ZNF385D: variants seen among roughly 807,000 people sequenced by gnomAD.
ZNF385D encodes zinc finger protein 659.
Under a neutral mutation model 35.8 loss-of-function variants are expected in ZNF385D, and 15 were observed. That is an observed-to-expected ratio of 0.42 (90% CI 0.28 to 0.64). The LOEUF is 0.64. Among genes scored for constraint, ZNF385D ranks in the 30% least tolerant of loss-of-function variants. ZNF385D has a pLI of 0.23. For missense variants in ZNF385D, 474 were observed against 494.6 expected, an observed-to-expected ratio of 0.96 and a Z score of 0.39; for synonymous variants, 212 against 186.8, an observed-to-expected ratio of 1.13 and a Z score of -1.10.
chr3:22,239,454 T>C (rs903519603), intron 2 of ZNF385D, among the ~76,000 whole-genome samples: 8 of 151,026 alleles, frequency 5.3e-5, no homozygotes, highest in African/African-American at 2.0e-4. Context: ...GTTTAAAACT[T>C]TACCAGAATT....
At chr3:21,705,872 A>G (rs542699798) in intron 1 of ZNF385D, among the ~76,000 whole-genome samples, 1 of 152,288 alleles carries the variant, frequency 6.6e-6, no homozygotes, top group South Asian at 2.1e-4. Flanking sequence ...TGCAGTACCC[A>G]GTAGCTCAAT....
chr3:21,726,397 T>G (rs1330350818), intron 1 of ZNF385D, among the ~76,000 whole-genome samples: 2 of 152,184 alleles, frequency 1.3e-5, no homozygotes, highest in African/African-American at 4.8e-5. Flanking sequence ...TATCTCTGTT[T>G]GCGGATGACA....
At chr3:21,733,311 G>A (rs556467816) in intron 1 of ZNF385D, among the ~76,000 whole-genome samples, 1 of 152,062 alleles carries the variant, frequency 6.6e-6, no homozygotes, top group Admixed American at 6.6e-5. Context: ...TCTGAAGTAG[G>A]GTAGTGTCAG....
chr3:21,798,917 T>A (rs1331674950), intron 3 of ZNF385D, among the ~76,000 whole-genome samples: 1 of 152,172 alleles, frequency 6.6e-6, no homozygotes, highest in Non-Finnish European at 1.5e-5. Context: ...AATATTTTCA[T>A]CCTCAAAAGA....
At chr3:21,925,389 A>G (rs1188225189) in intron 3 of ZNF385D, among the ~76,000 whole-genome samples, 1 of 152,182 alleles carries the variant, frequency 6.6e-6, no homozygotes, top group African/African-American at 2.4e-5. Flanking sequence ...TTGAAGAACA[A>G]CTGCTGAAAC....
At chr3:22,074,502 T>C (rs1700374120) in intron 3 of ZNF385D, among the ~76,000 whole-genome samples, 1 of 151,978 alleles carries the variant, frequency 6.6e-6, no homozygotes, top group South Asian at 2.1e-4. Flanking sequence ...ATTGGTTACT[T>C]CTGATTATCA....
chr3:21,700,477 A>G (rs916840338), intron 1 of ZNF385D, among the ~76,000 whole-genome samples: 1 of 152,218 alleles, frequency 6.6e-6, no homozygotes, highest in Non-Finnish European at 1.5e-5. Flanking sequence ...TTTTAAAATT[A>G]GTTTTTTTCT....
chr3:21,694,642 T>G (rs538935845), intron 1 of ZNF385D, among the ~76,000 whole-genome samples: 1 of 152,182 alleles, frequency 6.6e-6, no homozygotes, highest in African/African-American at 2.4e-5. Flanking sequence ...AATCCCCTGC[T>G]TGGCAACTTG....
chr3:22,161,469 A>G (rs965562881), intron 3 of ZNF385D, among the ~76,000 whole-genome samples: 2 of 152,090 alleles, frequency 1.3e-5, no homozygotes, highest in African/African-American at 4.8e-5. Flanking sequence ...GGCCTTTTTA[A>G]AAGAGGAACT....
chr3:21,863,508 T>A (rs2125833601), intron 3 of ZNF385D, among the ~76,000 whole-genome samples: 3 of 152,250 alleles, frequency 2.0e-5, no homozygotes, highest in Non-Finnish European at 4.4e-5. Flanking sequence ...AGAATGTAAA[T>A]TTAATACACA....
At chr3:22,099,047 A>G (rs1701784237) in intron 3 of ZNF385D, among the ~76,000 whole-genome samples, 1 of 152,058 alleles carries the variant, frequency 6.6e-6, no homozygotes, top group South Asian at 2.1e-4. Context: ...GAAAAATAGG[A>G]AGCAAAAAAA....
intron 2 of ZNF385D, among the ~76,000 whole-genome samples, chr3:21,610,808 T>G (rs2064653528): frequency 6.6e-6 from 1 of 152,052 alleles, no homozygotes; most frequent in African/African-American, 2.4e-5. Context: ...CATGTGTTAT[T>G]TCACGGTTGC....
At chr3:21,423,191 A>G (rs889909219) in intron 7 of ZNF385D, among the ~76,000 whole-genome samples, 18 of 152,348 alleles carry the variant, frequency 1.2e-4, no homozygotes, top group Admixed American at 1.3e-4. Flanking sequence ...GGGCAATGCT[A>G]CTAAACTAAC....
At chr3:22,056,408 T>C (rs569985979) in intron 3 of ZNF385D, among the ~76,000 whole-genome samples, 1 of 151,558 alleles carries the variant, frequency 6.6e-6, no homozygotes, top group South Asian at 2.1e-4. Context: ...ATGGCAAAGA[T>C]GATAAGCTAA....
chr3:22,369,471 T>G (rs1696802351), intron 2 of ZNF385D, among the ~76,000 whole-genome samples: 1 of 152,044 alleles, frequency 6.6e-6, no homozygotes, highest in African/African-American at 2.4e-5. Context: ...CCTTAACTAC[T>G]GCCAAAAAAT....
intron 3 of ZNF385D, among the ~76,000 whole-genome samples, chr3:21,837,487 C>G (rs774346826): frequency 2.0e-5 from 3 of 151,988 alleles, no homozygotes; most frequent in Non-Finnish European, 2.9e-5. Flanking sequence ...GGGTAGTGCT[C>G]CAAGTGAGTA....
chr3:21,455,273 G>A (rs546082815), intron 4 of ZNF385D, among the ~76,000 whole-genome samples: 150 of 152,200 alleles, frequency 9.9e-4, no homozygotes, highest in Non-Finnish European at 1.5e-3. Context: ...AACCCGCATC[G>A]CCAAGTCAAT....
chr3:22,348,684 AAGGG>A lies in ZNF385D; in HGVS notation c.106+23762_106+23765del, dbSNP rs545721396. On this transcript the variant is annotated intron_variant, in intron 2 of 5. Transcript: ENST00000494108. ...CGCTGTAGAAAGAAAGAAAGAAAGG[AAGGG>A]AGGGAGGGAGGGAGGGAGGAGAGAG... 1.7e-3 allele frequency among the ~76,000 whole-genome samples: 238 copies of A among 139,308 alleles called. 4 individuals are homozygous for A. The South Asian group carries it at 0.031, about 18-fold the overall frequency. The allele number at this position is 139,308 out of a possible 152,430, so 91.4% of individuals were successfully genotyped here.
intron 3 of ZNF385D, among the ~76,000 whole-genome samples, chr3:22,155,826 G>A (rs1272422118): frequency 6.6e-6 from 1 of 152,074 alleles, no homozygotes; most frequent in East Asian, 1.9e-4. Flanking sequence ...AATAAGGATA[G>A]AAGAGTTTGT....
Sources: allele counts gnomAD v4.1 joint callset (sites outside exome capture counted in the v4.1 genomes callset), GRCh38; gene constraint gnomAD v4.1.1; transcripts MANE v1.5; gene names NCBI Gene and HGNC (gene_info 2026-07-23, HGNC 2026-07-21).